The following RBPMS variants were observed in gnomAD, a reference collection of about 807,000 sequenced individuals.
RBPMS encodes RNA-binding protein with multiple splicing.
A neutral mutation model predicts 26.8 loss-of-function variants in RBPMS; 7 were observed. The ratio of observed to expected loss-of-function variants is 0.26; its 90% CI spans 0.15 to 0.49. RBPMS has a LOEUF of 0.49. RBPMS is among the 20% of genes least tolerant of loss of function. The pLI, the probability that RBPMS is intolerant of heterozygous loss-of-function variation, is 0.98. For missense variants in RBPMS, 186 were observed against 250.0 expected (o/e 0.74, Z 1.73); for synonymous variants, 96 against 93.3 (o/e 1.03, Z -0.17).
At chr8:30,463,559 G>C (rs911447115) in intron 1 of RBPMS, among the ~76,000 whole-genome samples, 4 of 152,172 alleles carry the variant, frequency 2.6e-5, no homozygotes, top group Admixed American at 2.6e-4. Flanking sequence ...CTTTTTTGAT[G>C]CAGTCTTAGA....
At chr8:30,480,533 T>C (rs557888436) in intron 4 of RBPMS, among the ~76,000 whole-genome samples, 89 of 152,332 alleles carry the variant, frequency 5.8e-4, no homozygotes, top group South Asian at 1.4e-3. Flanking sequence ...ATAAAGCATA[T>C]AGGAACATCT....
At chr8:30,447,907 T>A (rs1402893807) in intron 1 of RBPMS, among the ~76,000 whole-genome samples, 1 of 152,304 alleles carries the variant, frequency 6.6e-6, no homozygotes, top group East Asian at 1.9e-4. Flanking sequence ...GTGATTACAT[T>A]TTTTTGCTAG....
At chr8:30,525,089 T>C (rs1823438452) in intron 5 of RBPMS, among the ~76,000 whole-genome samples, 2 of 152,200 alleles carry the variant, frequency 1.3e-5, no homozygotes, top group Non-Finnish European at 2.9e-5. Context: ...TCTCCTAAAA[T>C]AGCAATTTAA....
intron 4 of RBPMS, among the ~76,000 whole-genome samples, chr8:30,490,700 C>T (rs1417235564): frequency 1.3e-5 from 2 of 152,084 alleles, no homozygotes; most frequent in Non-Finnish European, 2.9e-5. Context: ...TCCTGGACCT[C>T]GTGATGCGCC....
chr8:30,545,146 C>T (rs1415653070), intron 6 of RBPMS: 4 of 1,310,288 alleles, frequency 3.1e-6, no homozygotes, highest in East Asian at 5.2e-5. Context: ...ATTAAGGGTT[C>T]CTTCTCTCCA....
At chr8:30,452,265 C>T (rs1407943512) in intron 1 of RBPMS, among the ~76,000 whole-genome samples, 1 of 152,056 alleles carries the variant, frequency 6.6e-6, no homozygotes, top group Non-Finnish European at 1.5e-5. Flanking sequence ...TCTGTAAAGT[C>T]CAAGGTACGG....
chr8:30,530,983 T>TAC (rs1194299560), intron 5 of RBPMS, among the ~76,000 whole-genome samples: 1 of 151,728 alleles, frequency 6.6e-6, no homozygotes, highest in African/African-American at 2.4e-5. Flanking sequence ...GGGCTTGTAT[T>TAC]ATATATATAT....
chr8:30,532,563 A>G (rs1486497484), intron 5 of RBPMS, among the ~76,000 whole-genome samples: 1 of 152,164 alleles, frequency 6.6e-6, no homozygotes, highest in Admixed American at 6.5e-5. Context: ...CACAGCTGGT[A>G]ACATTTACAA....
Position 30,441,100 on chromosome 8 carries a change from G to A in RBPMS, c.67-33679G>A, listed in dbSNP as rs1461105400. ...TTCACAGTGCTGGAACTACAGGAGTGAGCTACCCTGCCTGGACTATTTTGA... is the reference window on the plus strand; with the variant it reads ...TTCACAGTGCTGGAACTACAGGAGTAAGCTACCCTGCCTGGACTATTTTGA... On this transcript the variant is annotated intron_variant, in intron 1 of 8. Coordinates refer to ENST00000397323, the MANE Select transcript of RBPMS (RefSeq NM_001008710.3). Among the ~76,000 whole-genome samples, 8 of 152,164 alleles carry A rather than the reference G, an allele frequency of 5.3e-5. No homozygotes were observed. In the East Asian group the frequency reaches 1.3e-3, roughly 26 times the overall value.
At chr8:30,497,324 CT>C (rs1820066479) in intron 4 of RBPMS, among the ~76,000 whole-genome samples, 1 of 152,128 alleles carries the variant, frequency 6.6e-6, no homozygotes. Context: ...AGGCAGATCA[CT>C]TGAGGTCAGG....
rs1170793731 is a variant in RBPMS at position 30,555,917 on chromosome 8, G to A, written c.529-2970G>A. The A allele has an allele frequency of 1.8e-5, 18 of 984,446 alleles. No homozygotes were observed. In the East Asian group the frequency reaches 3.4e-4, roughly 19 times the overall value. 61.0% of individuals were successfully genotyped at this position (984,446 alleles called of 1,614,324 possible). A position where few individuals can be genotyped will look rare whatever the true frequency, so the allele number is the denominator to read the frequency against. The stretch of plus-strand genomic sequence containing the variant: ...GCGGAGCAGCTTGTTCCCCCCCACC[G>A]GGCCGGCTGCCCGAACTCTGCTGTG... On this transcript the variant is annotated intron_variant, in intron 6 of 8. Coordinates refer to ENST00000397323, the MANE Select transcript of RBPMS (RefSeq NM_001008710.3).
chr8:30,535,387 G>T (rs138322263), intron 5 of RBPMS, among the ~76,000 whole-genome samples: 1 of 152,312 alleles, frequency 6.6e-6, no homozygotes, highest in African/African-American at 2.4e-5. Context: ...TAAGCAGTAG[G>T]TGCAGTGTTC....
Position 30,480,929 on chromosome 8 carries a change from C to A in RBPMS, c.246+1552C>A, listed in dbSNP as rs961287734. On this transcript the variant is annotated intron_variant, in intron 4 of 8. Transcript: ENST00000397323. ...CACCATGTTCTTTTCATTGTTCTTA[C>A]AAAGGAAGTAACAAGCAGTTGAAGC... Among the ~76,000 whole-genome samples the A allele has an allele frequency of 4.6e-5, 7 of 152,168 alleles. No homozygotes were observed. In the East Asian group the frequency reaches 9.6e-4, roughly 21 times the overall value.
chr8:30,390,506 C>T (rs1428340854), intron 1 of RBPMS, among the ~76,000 whole-genome samples: 3 of 152,104 alleles, frequency 2.0e-5, no homozygotes, highest in East Asian at 1.9e-4. Context: ...ACATGGCGTT[C>T]GGGATTGCCC....
rs1383373971 is a variant in RBPMS, at chr8:30,386,827, ATCTT to A, written c.66+1675_66+1678del. Among the ~76,000 whole-genome samples the A allele has an allele frequency of 3.3e-5, 5 of 152,332 alleles. No individual in the cohort carries two copies. The South Asian group carries it at 1.0e-3, about 32-fold the overall frequency. ...CAGGGTTAGAATATTATATGAAACC[ATCTT>A]TCTTTATTCACCCAGTTGAGAAAAC... On this transcript the variant is annotated intron_variant, in intron 1 of 8. Coordinates refer to ENST00000397323, the MANE Select transcript of RBPMS (RefSeq NM_001008710.3).
intron 1 of RBPMS, among the ~76,000 whole-genome samples, chr8:30,440,488 A>G (rs572414482): frequency 6.6e-6 from 1 of 152,312 alleles, no homozygotes; most frequent in East Asian, 1.9e-4. Context: ...AATGTACTCA[A>G]AATTCATCCA....
chr8:30,544,914 G>A lies in RBPMS; in HGVS notation c.528+290G>A, dbSNP rs1825746882. The A allele has an allele frequency of 3.4e-6, 5 of 1,479,868 alleles. No individual in the cohort carries two copies. The South Asian group carries it at 6.9e-5, about 20-fold the overall frequency. 91.7% of individuals were successfully genotyped at this position (1,479,868 alleles called of 1,614,324 possible). On this transcript the variant is annotated intron_variant, in intron 6 of 8. Transcript: ENST00000397323. ...AGACCGGGGCAGGTTTATCCACCTG[G>A]CTCCCAGCTAGCTAGAGGGCATCAC...
intron 2 of RBPMS, among the ~76,000 whole-genome samples, chr8:30,476,411 T>A (rs1030811615): frequency 3.9e-5 from 6 of 152,216 alleles, no homozygotes; most frequent in African/African-American, 1.4e-4. Flanking sequence ...CTTCAAGACC[T>A]TCATGGTGTT....
At chr8:30,433,255 T>G (rs1812129653) in intron 1 of RBPMS, among the ~76,000 whole-genome samples, 1 of 152,198 alleles carries the variant, frequency 6.6e-6, no homozygotes, top group Non-Finnish European at 1.5e-5. Context: ...TCCAGAACTT[T>G]GAAAAAACTT....
Sources: allele counts gnomAD v4.1 joint callset (sites outside exome capture counted in the v4.1 genomes callset), GRCh38; gene constraint gnomAD v4.1.1; transcripts MANE v1.5; gene names NCBI Gene and HGNC (gene_info 2026-07-23, HGNC 2026-07-21).